The following RANBP2 variants were observed in gnomAD, a reference collection of about 807,000 sequenced individuals.
The protein encoded by RANBP2 is RAN binding protein 2.
RANBP2 carries 57 observed loss-of-function variants against 303.6 expected under a neutral mutation model. That is an observed-to-expected ratio of 0.19 (90% CI 0.15 to 0.23). RANBP2 has a LOEUF of 0.23. RANBP2 is among the 10% of genes least tolerant of loss of function. RANBP2 has a pLI of 1.00. For synonymous variants in RANBP2, 1,167 were observed against 1,301.5 expected (o/e 0.90, Z 2.23); for missense variants, 3,138 against 3,780.8 (o/e 0.83, Z 4.46).
the RANBP2 span, chr2:109,129,599 G>A: frequency 6.7e-7 from 1 of 1,483,008 alleles, no homozygotes; most frequent in Non-Finnish European, 8.9e-7. Context: ...GCTGCGCAGA[G>A]CGAGGGCGAC....
chr2:109,400,176 G>A, the RANBP2 span, among the ~76,000 whole-genome samples: 1 of 152,246 alleles, frequency 6.6e-6, no homozygotes, highest in East Asian at 1.9e-4. Context: ...TAATCTAGAT[G>A]TGCCACATCA....
At chr2:108,940,627 A>T in the RANBP2 span, among the ~76,000 whole-genome samples, 1 of 152,264 alleles carries the variant, frequency 6.6e-6, no homozygotes, top group African/African-American at 2.4e-5. Context: ...ACACAATGTG[A>T]ATGTGGAGTC....
the RANBP2 span, among the ~76,000 whole-genome samples, chr2:109,778,355 G>A: frequency 1.4e-5 from 2 of 146,018 alleles, 1 homozygote; most frequent in Non-Finnish European, 3.0e-5. Context: ...GGTTTAAATG[G>A]CATAACAGAT....
the RANBP2 span, among the ~76,000 whole-genome samples, chr2:109,040,922 G>A: frequency 6.6e-6 from 1 of 152,136 alleles, no homozygotes; most frequent in Non-Finnish European, 1.5e-5. Flanking sequence ...CAGGCGTGGT[G>A]GTGGGTGCCT....
chr2:109,192,548 C>G, the RANBP2 span, among the ~76,000 whole-genome samples: 1 of 152,056 alleles, frequency 6.6e-6, no homozygotes, highest in South Asian at 2.1e-4. Flanking sequence ...TATGCCTGTG[C>G]CAGCGTGGTC....
At chr2:109,149,178 A>G in the RANBP2 span, among the ~76,000 whole-genome samples, 1 of 152,168 alleles carries the variant, frequency 6.6e-6, no homozygotes, top group Middle Eastern at 3.2e-3. Context: ...GGCAGGACTC[A>G]GGGCAGGGCC....
At chr2:109,450,285 G>A in the RANBP2 span, among the ~76,000 whole-genome samples, 2 of 152,036 alleles carry the variant, frequency 1.3e-5, no homozygotes, top group South Asian at 2.1e-4. Flanking sequence ...GGCAGAGCCT[G>A]CAGTGAGCCA....
the RANBP2 span, among the ~76,000 whole-genome samples, chr2:109,644,606 GC>G: frequency 6.6e-6 from 1 of 152,142 alleles, no homozygotes; most frequent in Non-Finnish European, 1.5e-5. Context: ...AAGAAAGTGG[GC>G]TTTTGTAGTA....
chr2:108,966,992 T>G, the RANBP2 span, among the ~76,000 whole-genome samples: 1 of 152,368 alleles, frequency 6.6e-6, no homozygotes, highest in East Asian at 1.9e-4. Context: ...TGGAGTGCTG[T>G]GGCACAGTCT....
the RANBP2 span, among the ~76,000 whole-genome samples, chr2:109,285,769 C>A: frequency 6.6e-6 from 1 of 152,206 alleles, no homozygotes; most frequent in Non-Finnish European, 1.5e-5. Context: ...TGGATCCAGA[C>A]CTGGCAGGGT....
chr2:109,169,753 T>TAC, the RANBP2 span, among the ~76,000 whole-genome samples: 132 of 149,794 alleles, frequency 8.8e-4, no homozygotes, highest in South Asian at 9.3e-3. Flanking sequence ...AAAACAACCA[T>TAC]ACACACACAC....
the RANBP2 span, chr2:108,908,149 T>G: frequency 7.7e-6 from 8 of 1,041,444 alleles, no homozygotes; most frequent in African/African-American, 4.8e-5. Flanking sequence ...TTTCAGGTGT[T>G]TACTGGGCAC....
At chr2:109,071,527 A>T in the RANBP2 span, among the ~76,000 whole-genome samples, 2 of 152,234 alleles carry the variant, frequency 1.3e-5, no homozygotes, top group South Asian at 2.1e-4. Context: ...TACAAAAATT[A>T]TCTGGGTGTG....
At chr2:109,633,392 C>CA in the RANBP2 span, among the ~76,000 whole-genome samples, 1 of 142,564 alleles carries the variant, frequency 7.0e-6, no homozygotes, top group Non-Finnish European at 1.5e-5. Context: ...GACTCCATCT[C>CA]AAAAAACAAA....
At chr2:108,780,553 A>T (rs1183806897) in intron 25 of RANBP2, among the ~76,000 whole-genome samples, 2 of 143,638 alleles carry the variant, frequency 1.4e-5, no homozygotes, top group Non-Finnish European at 3.0e-5. Flanking sequence ...TTTTAAAGAC[A>T]GAATCTTGCT....
chr2:109,275,225 C>T, the RANBP2 span, among the ~76,000 whole-genome samples: 4 of 152,164 alleles, frequency 2.6e-5, no homozygotes, highest in African/African-American at 2.4e-5. Context: ...AGTGAGGCCC[C>T]GCAGAGGCTG....
chr2:108,916,386 G>A, the RANBP2 span, among the ~76,000 whole-genome samples: 1 of 152,168 alleles, frequency 6.6e-6, no homozygotes, highest in African/African-American at 2.4e-5. Context: ...GTGGTCTAGA[G>A]TGGGGCAATA....
At chr2:109,083,585 T>A in the RANBP2 span, among the ~76,000 whole-genome samples, 1 of 152,162 alleles carries the variant, frequency 6.6e-6, no homozygotes, top group African/African-American at 2.4e-5. Flanking sequence ...TCTGCCTCTT[T>A]GCTGTTGTGA....
the RANBP2 span, among the ~76,000 whole-genome samples, chr2:109,336,837 C>T: frequency 1.3e-5 from 2 of 152,204 alleles, no homozygotes; most frequent in Non-Finnish European, 2.9e-5. Context: ...GGACCCTCTC[C>T]TGCTCCAACC....
Sources: allele counts gnomAD v4.1 joint callset (sites outside exome capture counted in the v4.1 genomes callset), GRCh38; gene constraint gnomAD v4.1.1; transcripts MANE v1.5; gene names NCBI Gene and HGNC (gene_info 2026-07-23, HGNC 2026-07-21).